Variants in TNFSF15 observed in about 807,000 individuals in gnomAD.
The protein encoded by TNFSF15 is TNF superfamily member 15.
A neutral mutation model predicts 26.4 loss-of-function variants in TNFSF15; 15 were observed. That is an observed-to-expected ratio of 0.57 (90% CI 0.38 to 0.87). TNFSF15 has a LOEUF of 0.87. TNFSF15 is among the 40% of genes least tolerant of loss of function. The probability of loss-of-function intolerance (pLI) is 0.00; values close to 1 mark genes in which losing one functional copy is unlikely to be tolerated. For missense variants in TNFSF15, 290 were observed against 306.1 expected, an observed-to-expected ratio of 0.95 and a Z score of 0.39; for synonymous variants, 116 against 115.0, an observed-to-expected ratio of 1.01 and a Z score of -0.06.
At chr9:114,792,524 G>A in intron 2 of TNFSF15, 70 bp from the exon 3 acceptor site, 2 of 1,608,602 alleles carry the variant, frequency 1.2e-6, no homozygotes, top group Non-Finnish European at 1.7e-6. Context: ...CCCTTTGTGA[G>A]TTGCATGGCG....
chr9:114,799,810 A>G (rs1564346685), intron 1 of TNFSF15, among the ~76,000 whole-genome samples: 1 of 152,116 alleles, frequency 6.6e-6, no homozygotes, highest in Non-Finnish European at 1.5e-5. Context: ...AGCTGCCTGG[A>G]TGTCTGAGAT....
At chr9:114,805,004 G>A (rs1479140448) in intron 1 of TNFSF15, among the ~76,000 whole-genome samples, 1 of 152,170 alleles carries the variant, frequency 6.6e-6, no homozygotes, top group Non-Finnish European at 1.5e-5. Flanking sequence ...AGGTTTTGAG[G>A]TACATCTTTG....
chr9:114,792,373 A>G, intron 3 of TNFSF15, 34 bp downstream of exon 3: 2 of 1,605,440 alleles, frequency 1.2e-6, no homozygotes, highest in South Asian at 2.2e-5. Context: ...ATTCTGGCCC[A>G]TGGTCTCCCG....
chr9:114,785,088 A>C lies in TNFSF15; in HGVS notation c.*5364T>G, dbSNP rs1279140102. On this transcript the variant is annotated 3_prime_UTR_variant, in exon 4 of 4. Coordinates refer to ENST00000374045, the MANE Select transcript of TNFSF15 (RefSeq NM_005118.4). ...TTCTCAGCTCTCCAGTATCCAGGCA[A>C]GTGCTGCCACGTGACAGATGCTCAA... is the stretch of plus-strand genomic sequence containing the variant. 2 of 152,262 alleles carry C rather than the reference A, an allele frequency of 1.3e-5. No individual in the cohort carries two copies. The highest frequency in any genetic ancestry group is 4.8e-5 in the African/African-American group (2 of 41,468). 9.4% of individuals were successfully genotyped at this position (152,262 alleles called of 1,614,324 possible).
intron 1 of TNFSF15, among the ~76,000 whole-genome samples, chr9:114,804,274 C>G (rs1829787543): frequency 1.3e-5 from 2 of 152,320 alleles, no homozygotes; most frequent in African/African-American, 4.8e-5. Context: ...AAAAAAGACC[C>G]CGTGCCTTCC....
chr9:114,802,726 G>A (rs1481438026), intron 1 of TNFSF15, among the ~76,000 whole-genome samples: 5 of 152,188 alleles, frequency 3.3e-5, no homozygotes, highest in Non-Finnish European at 5.9e-5. Flanking sequence ...CAATGGGAGA[G>A]GGGTGAGGCT....
chr9:114,797,716 G>A (rs1319769126), intron 1 of TNFSF15, among the ~76,000 whole-genome samples: 1 of 152,204 alleles, frequency 6.6e-6, no homozygotes, highest in Non-Finnish European at 1.5e-5. Flanking sequence ...TGGCTCCTAA[G>A]AGGTGCTGGT....
At chr9:114,792,208 T>C in intron 3 of TNFSF15, 199 bp downstream of exon 3, 8 of 615,444 alleles carry the variant, frequency 1.3e-5, no homozygotes, top group Non-Finnish European at 2.2e-5. Flanking sequence ...TGTGTGTGTG[T>C]ATATACATAT....
intron 1 of TNFSF15, among the ~76,000 whole-genome samples, chr9:114,804,681 C>A: frequency 6.6e-6 from 1 of 152,234 alleles, no homozygotes; most frequent in East Asian, 1.9e-4. Context: ...ACATAAACAG[C>A]ATTTCCGGTT....
chr9:114,805,975 G>T lies in TNFSF15; in HGVS notation c.38C>A (p.Ala13Asp). The change falls in exon 1 of 4, where the codon GCC becomes GAC. Residue 13 changes from alanine (A) to aspartate (D), a missense_variant. Physicochemically the swap from Ala to Asp is moderately radical, Grantham distance 126. Transcript: ENST00000374045. The part of the protein sequence containing the change: ...EDLGLSFGET[A>D]SVEMLPEHGS... ...GTGCTCTGGCAGCATTTCCACACTG[G>T]CTGTTTCCCCAAAGCTCAGTCCCAG... 1.2e-6 allele frequency: 2 copies of T among 1,614,048 alleles called. No individual in the cohort carries two copies. The highest frequency in any genetic ancestry group is 1.7e-6 in the Non-Finnish European group (2 of 1,180,028).
chr9:114,798,313 C>T (rs1442726114), intron 1 of TNFSF15, among the ~76,000 whole-genome samples: 2 of 152,078 alleles, frequency 1.3e-5, no homozygotes, highest in African/African-American at 4.8e-5. Flanking sequence ...TGGTGCTTCT[C>T]TTCCCCTACC....
intron 1 of TNFSF15, among the ~76,000 whole-genome samples, chr9:114,798,990 G>T (rs1829706388): frequency 6.6e-6 from 1 of 152,182 alleles, no homozygotes; most frequent in Non-Finnish European, 1.5e-5. Context: ...GGAGAAATAT[G>T]CAGATGTTTG....
chr9:114,796,787 G>A (rs1458726022), intron 1 of TNFSF15, among the ~76,000 whole-genome samples: 1 of 152,186 alleles, frequency 6.6e-6, no homozygotes, highest in Non-Finnish European at 1.5e-5. Flanking sequence ...AAAACATCAA[G>A]GCTTTCTGCT....
Position 114,790,232 on chromosome 9 carries a change from T to C in TNFSF15, c.*220A>G, listed in dbSNP as rs2131302024. 2.2e-6 allele frequency: 1 copy of C among 461,744 alleles called. No homozygotes were observed. Among genetic ancestry groups the C allele is most frequent in the Non-Finnish European group, 3.8e-6 (1 of 261,916 alleles). The allele number at this position is 461,744 out of a possible 1,614,324, so 28.6% of individuals were successfully genotyped here. A position where few individuals can be genotyped will look rare whatever the true frequency, so the allele number is the denominator to read the frequency against. On this transcript the variant is annotated 3_prime_UTR_variant, in exon 4 of 4. Coordinates refer to ENST00000374045, the MANE Select transcript of TNFSF15 (RefSeq NM_005118.4). ...CCAATCCTCCAACCCATCTTAATAA[T>C]ATATTTGCTCTCTTCAGCCTTTTTC...
chr9:114,790,800 G>T lies in TNFSF15; in HGVS notation c.408C>A (p.Asn136Lys). The T allele has an allele frequency of 2.5e-6, 4 of 1,614,114 alleles. No individual in the cohort carries two copies. Among genetic ancestry groups the T allele is most frequent in the Non-Finnish European group, 3.4e-6 (4 of 1,180,018 alleles). ...CCGACTCTGGGATCAGCAGGAATTT[G>T]TTGGTATAGTTCATTCGGTTCTTGG... Reference protein sequence around the residue: ...AFTKNRMNYTNKFLLIPESGD... With the variant: ...AFTKNRMNYTKKFLLIPESGD... Residue 136 changes from asparagine (N) to lysine (K), a missense_variant, in exon 4 of 4, where the codon AAC becomes AAA. By Grantham distance (94) the Asn-to-Lys change is moderately conservative. Coordinates refer to ENST00000374045, the MANE Select transcript of TNFSF15 (RefSeq NM_005118.4).
intron 1 of TNFSF15, among the ~76,000 whole-genome samples, chr9:114,794,996 C>G (rs754921593): frequency 2.6e-5 from 4 of 151,992 alleles, no homozygotes; most frequent in Non-Finnish European, 5.9e-5. Context: ...TATTTAGGAA[C>G]TATATATTAT....
intron 1 of TNFSF15, among the ~76,000 whole-genome samples, chr9:114,800,519 A>C (rs545561478): frequency 6.8e-4 from 104 of 152,330 alleles, no homozygotes; most frequent in Admixed American, 1.4e-3. Flanking sequence ...AGAAATATAT[A>C]CAGTGGATTT....
intron 3 of TNFSF15, 129 bp from the exon 4 acceptor site, chr9:114,791,035 G>T: frequency 1.2e-6 from 1 of 826,034 alleles, no homozygotes; most frequent in Non-Finnish European, 1.9e-6. Context: ...AACTGCTTTG[G>T]GGAGGAATGA....
Position 114,786,346 on chromosome 9 carries a change from G to A in TNFSF15, c.*4106C>T, listed in dbSNP as rs1829499913. ...AATTAATCCCCAATGTCACAATCATGGAAACAGAATTGGGTAAGGGCTTGG... is the reference window on the plus strand; with the variant it reads ...AATTAATCCCCAATGTCACAATCATAGAAACAGAATTGGGTAAGGGCTTGG... On this transcript the variant is annotated 3_prime_UTR_variant, in exon 4 of 4. Transcript: ENST00000374045. The A allele has an allele frequency of 6.6e-6, 1 of 152,202 alleles. No individual in the cohort carries two copies. Among genetic ancestry groups the A allele is most frequent in the Admixed American group, 6.5e-5 (1 of 15,286 alleles). The allele number at this position is 152,202 out of a possible 1,614,324, so 9.4% of individuals were successfully genotyped here. A position where few individuals can be genotyped will look rare whatever the true frequency, so the allele number is the denominator to read the frequency against.
Sources: gnomAD v4.1 joint callset for allele counts (sites outside exome capture counted in the v4.1 genomes callset) on GRCh38, gnomAD v4.1.1 for gene constraint, MANE v1.5 for transcripts, NCBI Gene and HGNC (gene_info 2026-07-23, HGNC 2026-07-21) for gene names.